Variants in NFIB observed in about 807,000 individuals in gnomAD.
NFIB encodes nuclear factor I B.
In NFIB, 11 loss-of-function variants were observed where a neutral mutation model predicts 61.5. The ratio of observed to expected loss-of-function variants is 0.18; its 90% CI spans 0.11 to 0.30. The LOEUF (loss-of-function observed/expected upper bound fraction) is 0.30. Among genes scored for constraint, NFIB ranks in the 10% least tolerant of loss-of-function variants. The pLI, the probability that NFIB is intolerant of heterozygous loss-of-function variation, is 1.00. For synonymous variants in NFIB, 260 were observed against 216.5 expected (o/e 1.20, Z -1.76); for missense variants, 471 against 608.9 (o/e 0.77, Z 2.38).
At chr9:14,469,246 G>A in the NFIB span, among the ~76,000 whole-genome samples, 1 of 152,076 alleles carries the variant, frequency 6.6e-6, no homozygotes, top group Admixed American at 6.5e-5. Context: ...TTTATCATAC[G>A]GCAAAAAGAT....
the NFIB span, among the ~76,000 whole-genome samples, chr9:14,489,073 T>TA: frequency 0.55 from 83,261 of 151,954 alleles, 24,330 homozygotes; most frequent in African/African-American, 0.73. Context: ...AAATGTTCCA[T>TA]AAAGTTCATC....
chr9:14,381,649 G>C (rs181889322), intron 1 of NFIB, among the ~76,000 whole-genome samples: 1 of 152,352 alleles, frequency 6.6e-6, no homozygotes, highest in East Asian at 1.9e-4. Flanking sequence ...GCACTGTGTG[G>C]AAGAAGAAAT....
the NFIB span, among the ~76,000 whole-genome samples, chr9:14,510,116 G>C: frequency 6.6e-6 from 1 of 152,170 alleles, no homozygotes; most frequent in African/African-American, 2.4e-5. Context: ...GGCAGATCTT[G>C]AACTCCTGAC....
At chr9:14,098,147 C>T (rs1328055541) in intron 10 of NFIB, among the ~76,000 whole-genome samples, 4 of 152,090 alleles carry the variant, frequency 2.6e-5, no homozygotes. Context: ...AAAATCCTCC[C>T]AATTATTTTA....
chr9:14,413,104 C>A, the NFIB span, among the ~76,000 whole-genome samples: 1 of 152,136 alleles, frequency 6.6e-6, no homozygotes, highest in African/African-American at 2.4e-5. Context: ...TCCCATCATG[C>A]TCTGTGCTCT....
chr9:14,211,704 C>T (rs1056698589), intron 2 of NFIB, among the ~76,000 whole-genome samples: 14 of 152,238 alleles, frequency 9.2e-5, no homozygotes, highest in African/African-American at 2.9e-4. Context: ...CCCTGCGGGG[C>T]CGTCTGAGCT....
At chr9:14,305,562 A>C (rs934883082) in intron 2 of NFIB, among the ~76,000 whole-genome samples, 1 of 152,224 alleles carries the variant, frequency 6.6e-6, no homozygotes, top group African/African-American at 2.4e-5. Context: ...ATGCATGGAA[A>C]TATTAAATGC....
the NFIB span, among the ~76,000 whole-genome samples, chr9:14,406,273 T>C: frequency 6.6e-6 from 1 of 152,182 alleles, no homozygotes; most frequent in Non-Finnish European, 1.5e-5. Context: ...TATGACACCT[T>C]CACCAGTGAC....
At chr9:14,241,537 T>A (rs2054355023) in intron 2 of NFIB, among the ~76,000 whole-genome samples, 1 of 152,198 alleles carries the variant, frequency 6.6e-6, no homozygotes, top group Non-Finnish European at 1.5e-5. Flanking sequence ...ATTGTCATCT[T>A]AAGTTTACAG....
intron 3 of NFIB, among the ~76,000 whole-genome samples, chr9:14,160,059 C>T (rs1219661073): frequency 6.6e-6 from 1 of 152,012 alleles, no homozygotes; most frequent in East Asian, 1.9e-4. Flanking sequence ...CAGCTTAATC[C>T]AGGAAGAAAA....
chr9:14,458,500 T>C, the NFIB span, among the ~76,000 whole-genome samples: 2 of 152,172 alleles, frequency 1.3e-5, no homozygotes, highest in African/African-American at 4.8e-5. Context: ...CAACATAGTG[T>C]TGGAAGTTCT....
intron 6 of NFIB, among the ~76,000 whole-genome samples, chr9:14,128,477 C>CAA (rs2039979607): frequency 6.6e-6 from 1 of 151,986 alleles, no homozygotes; most frequent in East Asian, 1.9e-4. Context: ...GCGGGTGGAT[C>CAA]GCCTGAGGTG....
the NFIB span, among the ~76,000 whole-genome samples, chr9:14,423,611 A>T: frequency 6.6e-6 from 1 of 152,080 alleles, no homozygotes; most frequent in African/African-American, 2.4e-5. Flanking sequence ...CTCATCCATC[A>T]TTGTCCTCCC....
intron 3 of NFIB, among the ~76,000 whole-genome samples, chr9:14,166,006 G>A (rs1003501756): frequency 2.6e-5 from 4 of 152,074 alleles, no homozygotes; most frequent in Non-Finnish European, 1.5e-5. Flanking sequence ...TTAATGTTAC[G>A]CGTATTTCAC....
At position 14,314,049 on chromosome 9, in the gene NFIB, A is replaced by G; in HGVS notation, c.-538T>C. 3 of 1,065,190 alleles carry G rather than the reference A, an allele frequency of 2.8e-6. No homozygotes were observed. Among genetic ancestry groups the G allele is most frequent in the Non-Finnish European group, 2.3e-6 (2 of 880,056 alleles). The allele number at this position is 1,065,190 out of a possible 1,614,324, so 66.0% of individuals were successfully genotyped here. A position where few individuals can be genotyped will look rare whatever the true frequency, so the allele number is the denominator to read the frequency against. ...GGGAAAGTTCAAGGTTACAGCCCCA[A>G]GCACTGCGGCAGGATCCCGGAGTGG... On this transcript the variant is annotated 5_prime_UTR_variant, in exon 1 of 11. Coordinates refer to ENST00000380953, the MANE Select transcript of NFIB (RefSeq NM_001190737.2).
chr9:14,398,710 T>C (rs1039771995), exon 1 of NFIB: 2 of 1,013,488 alleles, frequency 2.0e-6, no homozygotes, highest in African/African-American at 3.3e-5. Flanking sequence ...TTGCTCCAGG[T>C]CACCGAGTAC....
chr9:14,524,994 C>G, the NFIB span, among the ~76,000 whole-genome samples: 1 of 152,182 alleles, frequency 6.6e-6, no homozygotes, highest in South Asian at 2.1e-4. Flanking sequence ...AAAATGGAAA[C>G]ATTTTGCTTG....
At chr9:14,515,901 C>T in the NFIB span, among the ~76,000 whole-genome samples, 156 of 152,350 alleles carry the variant, frequency 1.0e-3, 2 homozygotes, top group Non-Finnish European at 1.5e-3. Context: ...GAATCCCAAA[C>T]AGTCAGGATT....
intron 8 of NFIB, 102 bp from the exon 9 acceptor site, chr9:14,116,448 G>A: frequency 8.2e-7 from 1 of 1,212,488 alleles, no homozygotes; most frequent in African/African-American, 1.6e-5. Flanking sequence ...CCAGCACACT[G>A]CGCATAGGCG....
Sources: allele counts gnomAD v4.1 joint callset (sites outside exome capture counted in the v4.1 genomes callset), GRCh38; gene constraint gnomAD v4.1.1; transcripts MANE v1.5; gene names NCBI Gene and HGNC (gene_info 2026-07-23, HGNC 2026-07-21).